WWOX: variants seen among roughly 807,000 people sequenced by gnomAD.
WWOX encodes the protein WW domain-containing oxidoreductase.
A neutral mutation model predicts 46.2 loss-of-function variants in WWOX; 69 were observed. The observed-to-expected ratio is 1.49, with a 90% CI of 1.23 to 1.82. The LOEUF is 1.82. Ranked by LOEUF, WWOX falls within the 40% of genes most tolerant of loss-of-function variation. The pLI is 0.00. For missense variants in WWOX, 919 were observed against 542.6 expected (o/e 1.69, Z -6.89); for synonymous variants, 359 against 202.6 (o/e 1.77, Z -6.56).
intron 8 of WWOX, among the ~76,000 whole-genome samples, chr16:79,181,137 C>T (rs1418729432): frequency 6.6e-6 from 1 of 152,198 alleles, no homozygotes; most frequent in Non-Finnish European, 1.5e-5. Flanking sequence ...CCTTCTGTGA[C>T]CGTGCAAACA....
At chr16:78,200,761 A>T (rs1464856181) in intron 5 of WWOX, among the ~76,000 whole-genome samples, 1 of 151,668 alleles carries the variant, frequency 6.6e-6, no homozygotes, top group Non-Finnish European at 1.5e-5. Flanking sequence ...GGGCCCGTCC[A>T]CTCGGTTATA....
chr16:78,490,825 C>T (rs1420715863), intron 8 of WWOX, among the ~76,000 whole-genome samples: 1 of 152,170 alleles, frequency 6.6e-6, no homozygotes, highest in African/African-American at 2.4e-5. Context: ...GTTACTTAGA[C>T]TAGGAAATGG....
intron 8 of WWOX, 144 bp downstream of exon 8, chr16:78,432,896 A>G: frequency 1.5e-6 from 2 of 1,302,192 alleles, no homozygotes; most frequent in Non-Finnish European, 1.1e-6. Flanking sequence ...GCTCTTGAAC[A>G]CATTTTCATC....
At chr16:78,568,003 G>C (rs766873172) in intron 8 of WWOX, among the ~76,000 whole-genome samples, 2 of 152,152 alleles carry the variant, frequency 1.3e-5, no homozygotes, top group South Asian at 4.1e-4. Context: ...TAGAGCCTCT[G>C]TTCACTACTC....
chr16:79,097,030 G>T (rs536633611), intron 8 of WWOX, among the ~76,000 whole-genome samples: 3 of 152,092 alleles, frequency 2.0e-5, no homozygotes, highest in Admixed American at 2.0e-4. Flanking sequence ...AGAAGGCATA[G>T]AAGGATCTCT....
intron 8 of WWOX, among the ~76,000 whole-genome samples, chr16:79,152,539 C>T (rs566707705): frequency 2.4e-3 from 358 of 152,074 alleles, no homozygotes; most frequent in Middle Eastern, 3.4e-3. Context: ...GGCGTGGTGG[C>T]GTGTTCCTGT....
chr16:78,787,639 A>T (rs901382445), intron 8 of WWOX, among the ~76,000 whole-genome samples: 1 of 152,062 alleles, frequency 6.6e-6, no homozygotes, highest in Admixed American at 6.6e-5. Context: ...TACTGTTTTT[A>T]TGTTTTCTGC....
chr16:79,195,396 A>G (rs2051219169), intron 8 of WWOX, among the ~76,000 whole-genome samples: 1 of 152,178 alleles, frequency 6.6e-6, no homozygotes, highest in African/African-American at 2.4e-5. Flanking sequence ...TCAGGAAGTC[A>G]TTGATGTGGG....
At chr16:78,523,132 C>G (rs2043385892) in intron 8 of WWOX, among the ~76,000 whole-genome samples, 1 of 152,158 alleles carries the variant, frequency 6.6e-6, no homozygotes, top group Non-Finnish European at 1.5e-5. Flanking sequence ...AAATTATGCT[C>G]TAAATCCTTC....
At position 78,991,999 on chromosome 16, in the gene WWOX, C is replaced by T. The variant is rs113030853; in HGVS notation, c.1057-219609C>T. Reference sequence around the variant, plus strand: ...AAATGAAACTCAGGGGGTTGGGAAACTCACCTGAAGGATCTTCTCCCTCTC... The same window carrying T: ...AAATGAAACTCAGGGGGTTGGGAAATTCACCTGAAGGATCTTCTCCCTCTC... On this transcript the variant is annotated intron_variant, in intron 8 of 8. Transcript: ENST00000566780. 9.4e-3 allele frequency among the ~76,000 whole-genome samples: 1,427 copies of T among 152,292 alleles called. 23 individuals are homozygous for T. Among genetic ancestry groups the T allele is most frequent in the African/African-American group, 0.033 (1,356 of 41,538 alleles).
intron 8 of WWOX, among the ~76,000 whole-genome samples, chr16:79,132,442 T>C (rs905746693): frequency 6.6e-6 from 1 of 152,142 alleles, no homozygotes; most frequent in Non-Finnish European, 1.5e-5. Context: ...GTTACAGAAA[T>C]AGTGTTTCGT....
At chr16:78,407,456 A>G (rs538042195) in intron 6 of WWOX, among the ~76,000 whole-genome samples, 1 of 152,324 alleles carries the variant, frequency 6.6e-6, no homozygotes, top group South Asian at 2.1e-4. Flanking sequence ...AAGAGTGTTT[A>G]TTTAATCTGC....
At chr16:79,182,247 T>C (rs2050926936) in intron 8 of WWOX, among the ~76,000 whole-genome samples, 1 of 151,874 alleles carries the variant, frequency 6.6e-6, no homozygotes, top group Non-Finnish European at 1.5e-5. Context: ...GTACACGTCT[T>C]TGTACTGCAC....
At chr16:79,007,422 G>C (rs1464283141) in intron 8 of WWOX, among the ~76,000 whole-genome samples, 1 of 152,188 alleles carries the variant, frequency 6.6e-6, no homozygotes, top group Non-Finnish European at 1.5e-5. Context: ...AAATCACTCA[G>C]GCTGCCTTCG....
intron 8 of WWOX, among the ~76,000 whole-genome samples, chr16:78,849,053 A>T (rs1171034291): frequency 6.6e-6 from 1 of 152,204 alleles, no homozygotes; most frequent in Admixed American, 6.5e-5. Context: ...CATGGGCATG[A>T]TCACTGTTGA....
At chr16:78,912,554 C>G (rs1303258147) in intron 8 of WWOX, among the ~76,000 whole-genome samples, 2 of 152,000 alleles carry the variant, frequency 1.3e-5, no homozygotes, top group African/African-American at 2.4e-5. Context: ...TTGTTGGAGA[C>G]AAAACCAGCA....
intron 8 of WWOX, chr16:79,017,401 G>A (rs376861236): frequency 8.7e-6 from 1 of 114,528 alleles, no homozygotes; most frequent in African/African-American, 3.3e-5. Context: ...CTGCACTCCA[G>A]CCTGGGCAAC....
At chr16:78,199,043 A>G (rs1484985485) in intron 5 of WWOX, among the ~76,000 whole-genome samples, 1 of 152,078 alleles carries the variant, frequency 6.6e-6, no homozygotes, top group Non-Finnish European at 1.5e-5. Flanking sequence ...CTCTGTAGCC[A>G]TAATTAAATC....
intron 8 of WWOX, among the ~76,000 whole-genome samples, chr16:78,617,174 G>A (rs994673738): frequency 2.6e-5 from 4 of 152,158 alleles, no homozygotes; most frequent in Non-Finnish European, 5.9e-5. Flanking sequence ...CACTTTGGGA[G>A]GCTGAGGCAG....
Sources: allele counts gnomAD v4.1 joint callset (sites outside exome capture counted in the v4.1 genomes callset), GRCh38; gene constraint gnomAD v4.1.1; transcripts MANE v1.5; gene names NCBI Gene and HGNC (gene_info 2026-07-23, HGNC 2026-07-21).